The following TTLL11 variants were observed in gnomAD, a reference collection of about 807,000 sequenced individuals.
TTLL11 encodes tubulin tyrosine ligase like 11.
TTLL11 carries 42 observed loss-of-function variants against 51.7 expected under a neutral mutation model. That is an observed-to-expected ratio of 0.81 (90% confidence interval 0.64 to 1.05). The LOEUF is 1.05. TTLL11 is among the 50% of genes least tolerant of loss of function. The pLI, the probability that TTLL11 is intolerant of heterozygous loss-of-function variation, is 0.00. For synonymous variants in TTLL11, 381 were observed against 383.5 expected, an observed-to-expected ratio of 0.99 and a Z score of 0.08; for missense variants, 799 against 940.4, an observed-to-expected ratio of 0.85 and a Z score of 1.97.
At chr9:121,946,023 A>T (rs1309005362) in intron 6 of TTLL11, among the ~76,000 whole-genome samples, 3 of 152,248 alleles carry the variant, frequency 2.0e-5, no homozygotes, top group Admixed American at 2.0e-4. Context: ...GCATGAATGC[A>T]TCCGATGTGG....
At chr9:121,916,450 T>C (rs1200922899) in intron 6 of TTLL11, among the ~76,000 whole-genome samples, 2 of 152,180 alleles carry the variant, frequency 1.3e-5, no homozygotes, top group African/African-American at 4.8e-5. Flanking sequence ...ATCTATAGAC[T>C]TTAGAAATTG....
At chr9:121,868,802 T>C (rs1838255560) in intron 7 of TTLL11, among the ~76,000 whole-genome samples, 1 of 152,228 alleles carries the variant, frequency 6.6e-6, no homozygotes, top group African/African-American at 2.4e-5. Context: ...CAGGCAGTCT[T>C]TTCAGTGCAA....
intron 6 of TTLL11, among the ~76,000 whole-genome samples, chr9:121,875,383 T>C (rs2131405943): frequency 1.3e-5 from 2 of 152,312 alleles, no homozygotes; most frequent in South Asian, 4.1e-4. Context: ...CCTTGCAGAA[T>C]GAGTCTGTTT....
chr9:121,826,296 G>GTATATATATATGGGTTTA (rs1564260089), intron 8 of TTLL11, among the ~76,000 whole-genome samples: 7 of 90,242 alleles, frequency 7.8e-5, no homozygotes, highest in African/African-American at 3.7e-4. Flanking sequence ...GTGTGTGGGT[G>GTATATATATATGGGTTTA]TATATATATA....
chr9:121,829,371 C>T (rs1836925312), intron 8 of TTLL11, among the ~76,000 whole-genome samples: 1 of 152,220 alleles, frequency 6.6e-6, no homozygotes, highest in African/African-American at 2.4e-5. Context: ...ACATCCGGCC[C>T]CATCCAAGCC....
At chr9:122,015,498 C>T (rs946273609) in intron 3 of TTLL11, among the ~76,000 whole-genome samples, 5 of 152,112 alleles carry the variant, frequency 3.3e-5, no homozygotes, top group African/African-American at 7.2e-5. Context: ...ACTAGTTATG[C>T]GCCAGAACCC....
At chr9:121,904,521 C>T (rs909929968) in intron 6 of TTLL11, among the ~76,000 whole-genome samples, 17 of 152,222 alleles carry the variant, frequency 1.1e-4, no homozygotes, top group Non-Finnish European at 2.9e-5. Context: ...GGAGCCACAC[C>T]AGCGGATTCA....
chr9:121,878,717 AC>A, intron 6 of TTLL11, among the ~76,000 whole-genome samples: 1 of 152,314 alleles, frequency 6.6e-6, no homozygotes, highest in East Asian at 1.9e-4. Context: ...AGCTCATTTT[AC>A]AAAGACCTCC....
intron 3 of TTLL11, among the ~76,000 whole-genome samples, chr9:122,031,388 C>G (rs1844536151): frequency 1.3e-5 from 2 of 152,314 alleles, no homozygotes; most frequent in South Asian, 4.1e-4. Flanking sequence ...CTAGGATTCC[C>G]CCAGCGGCCC....
At chr9:122,047,394 A>C (rs926789959) in intron 1 of TTLL11, among the ~76,000 whole-genome samples, 2 of 152,188 alleles carry the variant, frequency 1.3e-5, no homozygotes, top group Admixed American at 6.5e-5. Context: ...TCATTGGCTC[A>C]AGGCAAAGCC....
At chr9:122,089,919 G>A (rs1199909767) in intron 1 of TTLL11, among the ~76,000 whole-genome samples, 6 of 152,086 alleles carry the variant, frequency 3.9e-5, no homozygotes, top group Non-Finnish European at 5.9e-5. Flanking sequence ...CTCCCAAGTA[G>A]GTGGAATTAC....
chr9:121,849,706 T>TA (rs1422886199), intron 8 of TTLL11, among the ~76,000 whole-genome samples: 1 of 152,186 alleles, frequency 6.6e-6, no homozygotes, highest in African/African-American at 2.4e-5. Context: ...TGGCACTATA[T>TA]ACCTATCAAA....
At chr9:121,913,175 G>A (rs549757791) in intron 6 of TTLL11, among the ~76,000 whole-genome samples, 63 of 152,290 alleles carry the variant, frequency 4.1e-4, no homozygotes, top group Middle Eastern at 3.4e-3. Context: ...TTTATCATAA[G>A]AGCATTTTCC....
intron 6 of TTLL11, among the ~76,000 whole-genome samples, chr9:121,902,423 A>G (rs1302723275): frequency 1.3e-5 from 2 of 152,172 alleles, no homozygotes; most frequent in Admixed American, 1.3e-4. Context: ...TGTGCGAGGC[A>G]TTTCCCTCTA....
chr9:121,966,723 TGGTGTA>T (rs927989573), intron 6 of TTLL11, among the ~76,000 whole-genome samples: 2 of 152,150 alleles, frequency 1.3e-5, no homozygotes, highest in Admixed American at 6.5e-5. Flanking sequence ...AGGCAAACAT[TGGTGTA>T]GGAGTCAGGC....
At chr9:121,959,988 T>C (rs1415594064) in intron 6 of TTLL11, among the ~76,000 whole-genome samples, 3 of 152,054 alleles carry the variant, frequency 2.0e-5, no homozygotes, top group African/African-American at 7.2e-5. Flanking sequence ...CTAAAACCTA[T>C]ACAGCCACCA....
intron 6 of TTLL11, among the ~76,000 whole-genome samples, chr9:121,919,053 A>T (rs1840434531): frequency 1.3e-5 from 2 of 152,238 alleles, no homozygotes; most frequent in South Asian, 4.1e-4. Flanking sequence ...TGTTCATTCT[A>T]TGACAACACA....
chr9:121,843,343 A>C (rs1837417345), intron 8 of TTLL11, among the ~76,000 whole-genome samples: 2 of 152,170 alleles, frequency 1.3e-5, no homozygotes, highest in South Asian at 4.1e-4. Context: ...ATCACAGCTG[A>C]GTTCAGCTTA....
intron 6 of TTLL11, among the ~76,000 whole-genome samples, chr9:121,923,697 G>C (rs1840619830): frequency 6.6e-6 from 1 of 152,186 alleles, no homozygotes; most frequent in African/African-American, 2.4e-5. Flanking sequence ...AAGTTATGAA[G>C]TTTCCAGCCT....
Sources: allele counts gnomAD v4.1 joint callset (sites outside exome capture counted in the v4.1 genomes callset), GRCh38; gene constraint gnomAD v4.1.1; transcripts MANE v1.5; gene names NCBI Gene and HGNC (gene_info 2026-07-23, HGNC 2026-07-21).